SMARCA1: variants seen among roughly 807,000 people sequenced by gnomAD.
SMARCA1 encodes the protein SWI/SNF-related matrix-associated actin-dependent regulator of chromatin subfamily A member 1.
Under a neutral mutation model 93.6 loss-of-function variants are expected in SMARCA1, and 17 were observed. That is an observed-to-expected ratio of 0.18 (90% CI 0.12 to 0.27). The LOEUF is 0.27. SMARCA1 is among the 10% of genes least tolerant of loss of function. SMARCA1 has a pLI of 1.00. For synonymous variants in SMARCA1, 271 were observed against 271.4 expected (o/e 1.00, Z 0.01); for missense variants, 630 against 819.0 (o/e 0.77, Z 2.82).
intron 23 of SMARCA1, among the ~76,000 whole-genome samples, chrX:129,456,871 G>A (rs915533073): frequency 8.9e-6 from 1 of 112,367 alleles, no homozygotes; most frequent in Non-Finnish European, 1.9e-5. Flanking sequence ...TGTGAACATT[G>A]TTGAGATGAC....
intron 12 of SMARCA1, among the ~76,000 whole-genome samples, chrX:129,494,694 T>C (rs182943725): frequency 1.8e-5 from 2 of 111,303 alleles, no homozygotes; most frequent in Admixed American, 1.9e-4. Context: ...CAATATGCCG[T>C]TTAAAACTGT....
intron 2 of SMARCA1, among the ~76,000 whole-genome samples, chrX:129,517,084 G>A (rs929692055): frequency 8.1e-5 from 9 of 110,977 alleles, no homozygotes; most frequent in African/African-American, 2.9e-4. Context: ...CACTCACAGG[G>A]ATCTAGAAAA....
At chrX:129,456,887 A>C in intron 23 of SMARCA1, among the ~76,000 whole-genome samples, 1 of 112,525 alleles carries the variant, frequency 8.9e-6, no homozygotes, top group Non-Finnish European at 1.9e-5. Flanking sequence ...ATGACAACAA[A>C]GGATTCAGAA....
In SMARCA1 at chrX:129,487,636, T is replaced by G. The variant is rs867446027; in HGVS notation, c.2098-499A>C. Among the ~76,000 whole-genome samples the G allele has an allele frequency of 2.7e-5, 3 of 112,126 alleles. No individual in the cohort carries two copies. In the Middle Eastern group the frequency reaches 0.014, roughly 517 times the overall value. On this transcript the variant is annotated intron_variant, in intron 16 of 24. Transcript: ENST00000371121. Reference sequence around the variant, plus strand: ...GAGATGAAATCAGCAAAATCCACACTGTGATTAACTCAAAAGGCAAACAAC... The same window carrying G: ...GAGATGAAATCAGCAAAATCCACACGGTGATTAACTCAAAAGGCAAACAAC...
At chrX:129,453,448 G>A (rs774254745) in intron 23 of SMARCA1, among the ~76,000 whole-genome samples, 19 of 111,841 alleles carry the variant, frequency 1.7e-4, no homozygotes, top group African/African-American at 5.8e-4. Flanking sequence ...TCTGGCCAGG[G>A]CAATCAGGCA....
At chrX:129,464,910 C>A (rs1478321849) in intron 23 of SMARCA1, among the ~76,000 whole-genome samples, 2 of 111,916 alleles carry the variant, frequency 1.8e-5, no homozygotes, top group African/African-American at 3.2e-5. Flanking sequence ...TGAGGTAAAT[C>A]CACAATGTGG....
In SMARCA1 at chrX:129,453,007, G is replaced by T. The variant is rs187037935; in HGVS notation, c.3031-4564C>A. On this transcript the variant is annotated intron_variant, in intron 23 of 24. Transcript: ENST00000371121. ...CTTTTATGTTACTATCATAATCATT[G>T]TGAGGTACCACGAATCACAACCATA... is the stretch of plus-strand genomic sequence containing the variant. Among the ~76,000 whole-genome samples the T allele has an allele frequency of 4.1e-3, 454 of 111,275 alleles. 1 individual carries two copies. Among genetic ancestry groups the T allele is most frequent in the African/African-American group, 0.014 (433 of 30,539 alleles).
chrX:129,452,045 A>ATAAG (rs1377811261), intron 23 of SMARCA1, among the ~76,000 whole-genome samples: 5 of 112,125 alleles, frequency 4.5e-5, no homozygotes, highest in African/African-American at 1.6e-4. Flanking sequence ...CTAACGCAAC[A>ATAAG]TAAGTTATCA....
At chrX:129,503,473 T>C (rs1267265274) in intron 9 of SMARCA1, among the ~76,000 whole-genome samples, 2 of 111,490 alleles carry the variant, frequency 1.8e-5, no homozygotes, top group Non-Finnish European at 1.9e-5. Context: ...TTAGGAGTAC[T>C]AGCCAAAGAT....
chrX:129,485,838 C>A (rs899400498), intron 17 of SMARCA1, among the ~76,000 whole-genome samples: 10 of 111,603 alleles, frequency 9.0e-5, no homozygotes, highest in African/African-American at 3.3e-4. Flanking sequence ...GGTCTCTGCA[C>A]ACACCAGCTC....
Position 129,523,400 on chromosome X carries a change from A to G in SMARCA1, c.-30T>C, listed in dbSNP as rs1268786243. ...TGGGAGCGGGAACGAGTAGGGGGAC[A>G]AGGCAGGGGACGAGGGCTCCTGGGC... On this transcript the variant is annotated 5_prime_UTR_variant, in exon 1 of 25. Transcript: ENST00000371121. 1.7e-5 allele frequency: 19 copies of G among 1,124,105 alleles called. No individual in the cohort carries two copies. The highest frequency in any genetic ancestry group is 1.1e-5 in the Non-Finnish European group (9 of 850,622). The allele number at this position is 1,124,105 out of a possible 1,213,427, so 92.6% of individuals were successfully genotyped here. A position where few individuals can be genotyped will look rare whatever the true frequency, so the allele number is the denominator to read the frequency against.
intron 9 of SMARCA1, among the ~76,000 whole-genome samples, chrX:129,500,126 A>G (rs1338334958): frequency 9.5e-6 from 1 of 104,857 alleles, no homozygotes; most frequent in African/African-American, 3.5e-5. Flanking sequence ...GAACCCTTAA[A>G]AAAAAAAAAA....
chrX:129,504,438 T>A (rs1398780015), intron 9 of SMARCA1, among the ~76,000 whole-genome samples: 1 of 106,193 alleles, frequency 9.4e-6, no homozygotes, highest in African/African-American at 3.5e-5. Context: ...CCTGAGGAAC[T>A]GTGGGGTGTG....
intron 23 of SMARCA1, among the ~76,000 whole-genome samples, chrX:129,463,623 C>T (rs903868290): frequency 9.0e-6 from 1 of 111,669 alleles, no homozygotes; most frequent in Admixed American, 9.5e-5. Context: ...ACAAGTATAG[C>T]ACTTTACATT....
intron 21 of SMARCA1, among the ~76,000 whole-genome samples, chrX:129,467,817 T>C (rs1323561576): frequency 2.7e-5 from 3 of 111,562 alleles, no homozygotes; most frequent in South Asian, 3.8e-4. Context: ...TAGGGTTAAA[T>C]AGATTTGGGG....
At chrX:129,468,258 C>T (rs1932978167) in intron 21 of SMARCA1, among the ~76,000 whole-genome samples, 1 of 112,369 alleles carries the variant, frequency 8.9e-6, no homozygotes. Flanking sequence ...GACCAGTTAA[C>T]AGATTGATTA....
chrX:129,504,176 G>T (rs1934686814), intron 9 of SMARCA1, among the ~76,000 whole-genome samples: 1 of 111,525 alleles, frequency 9.0e-6, no homozygotes, highest in Non-Finnish European at 1.9e-5. Context: ...TACTCGGGAG[G>T]CTGAGGCAGG....
intron 20 of SMARCA1, among the ~76,000 whole-genome samples, chrX:129,470,395 A>G (rs1933062360): frequency 1.9e-5 from 2 of 106,930 alleles, no homozygotes; most frequent in East Asian, 2.8e-4. Flanking sequence ...ATCACCTTAA[A>G]TAATAATAAT....
chrX:129,518,992 A>T (rs771259670), intron 1 of SMARCA1, among the ~76,000 whole-genome samples: 30 of 111,921 alleles, frequency 2.7e-4, no homozygotes, highest in South Asian at 2.6e-3. Flanking sequence ...ATGTGATCAC[A>T]TATACTTAAT....
Sources: gnomAD v4.1 joint callset for allele counts (sites outside exome capture counted in the v4.1 genomes callset) on GRCh38, gnomAD v4.1.1 for gene constraint, MANE v1.5 for transcripts, NCBI Gene and HGNC (gene_info 2026-07-23, HGNC 2026-07-21) for gene names.